Variants in COL23A1 observed in about 807,000 individuals in gnomAD.
The protein encoded by COL23A1 is collagen type XXIII alpha 1 chain.
In COL23A1, 97 loss-of-function variants were observed where a neutral mutation model predicts 99.3. That is an observed-to-expected ratio of 0.98 (90% CI 0.83 to 1.16). The LOEUF (loss-of-function observed/expected upper bound fraction) is 1.16. Ranked by LOEUF, COL23A1 falls within the 50% of genes most tolerant of loss-of-function variation. The probability of loss-of-function intolerance (pLI) is 0.00; values close to 1 mark genes in which losing one functional copy is unlikely to be tolerated. For synonymous variants in COL23A1, 320 were observed against 308.2 expected, an observed-to-expected ratio of 1.04 and a Z score of -0.40; for missense variants, 762 against 757.4, an observed-to-expected ratio of 1.01 and a Z score of -0.07.
intron 13 of COL23A1, 85 bp from the exon 14 acceptor site, chr5:178,257,013 T>C (rs948362707): frequency 6.1e-6 from 8 of 1,311,280 alleles, no homozygotes; most frequent in Non-Finnish European, 7.5e-6. Flanking sequence ...CGGGGTTGCC[T>C]GAAGCCTCGC....
intron 2 of COL23A1, among the ~76,000 whole-genome samples, chr5:178,319,674 C>T (rs999144653): frequency 2.0e-5 from 3 of 152,202 alleles, no homozygotes; most frequent in Non-Finnish European, 2.9e-5. Context: ...CGTGGACCAG[C>T]GCCCTCCTGA....
At chr5:178,523,201 T>TATATATAGAGAGAG (rs1223542330) in intron 2 of COL23A1, among the ~76,000 whole-genome samples, 968 of 77,396 alleles carry the variant, frequency 0.013, 13 homozygotes, top group Non-Finnish European at 0.019. Context: ...TATATATATA[T>TATATATAGAGAGAG]AGAGAGAGAG....
rs185407023 is a variant in COL23A1, at chr5:178,281,171, C to T, written c.441+7153G>A. 5.3e-5 allele frequency among the ~76,000 whole-genome samples: 8 copies of T among 152,142 alleles called. No homozygotes were observed. In the East Asian group the frequency reaches 5.8e-4, roughly 11 times the overall value. On this transcript the variant is annotated intron_variant, in intron 5 of 28. Coordinates refer to ENST00000390654, the MANE Select transcript of COL23A1 (RefSeq NM_173465.4). The surrounding 1 kb of genome is among the most constrained non-coding windows in gnomAD (Gnocchi z 4.0). ...GTGGGGTGGCACTGTAGGGGTCAGA[C>T]GGAAATGAGATGGAGGATGTTGAAA...
At chr5:178,581,086 T>C (rs1205132655) in intron 1 of COL23A1, among the ~76,000 whole-genome samples, 1 of 152,240 alleles carries the variant, frequency 6.6e-6, no homozygotes, top group East Asian at 1.9e-4. Flanking sequence ...AAAGGCTTTC[T>C]TTGTTATCAA....
intron 2 of COL23A1, among the ~76,000 whole-genome samples, chr5:178,472,979 C>A (rs187564896): frequency 6.6e-6 from 1 of 151,938 alleles, no homozygotes; most frequent in African/African-American, 2.4e-5. Flanking sequence ...AAAAAATTAG[C>A]GGATGTGGTC....
Position 178,306,909 on chromosome 5 carries a change from TC to T in COL23A1, c.371del (p.Gly124AspfsTer185). 6.5e-7 allele frequency: 1 copy of T among 1,541,718 alleles called. No homozygotes were observed. The highest frequency in any genetic ancestry group is 8.7e-7 in the Non-Finnish European group (1 of 1,143,926). ...CTCTTCTCCCAGGCTTGCCGCGCCG[TC>T]CAGGGGGCCCTAGACAGGAAAACAA... is the stretch of plus-strand genomic sequence containing the variant. Reference protein sequence around the residue: ...SECVCPPGPPGRRGKPGRRGD... With the variant: ...SECVCPPGPPXRRGKPGRRGD... On this transcript the variant is annotated frameshift_variant, in exon 3 of 29. Coordinates refer to ENST00000390654, the MANE Select transcript of COL23A1 (RefSeq NM_173465.4). LOFTEE classifies it high-confidence loss of function. The surrounding 1 kb of genome is among the most constrained non-coding windows in gnomAD (Gnocchi z 4.1).
chr5:178,455,625 A>G (rs1767739858), intron 2 of COL23A1, among the ~76,000 whole-genome samples: 1 of 152,188 alleles, frequency 6.6e-6, no homozygotes, highest in South Asian at 2.1e-4. Flanking sequence ...CAGGCATGAC[A>G]CCGGCCCTCC....
chr5:178,333,532 A>G (rs1760154494), intron 2 of COL23A1, among the ~76,000 whole-genome samples: 1 of 152,088 alleles, frequency 6.6e-6, no homozygotes, highest in Non-Finnish European at 1.5e-5. Flanking sequence ...GCCTGGCAAC[A>G]TGCCTGTGCG....
At chr5:178,357,234 G>T in intron 2 of COL23A1, among the ~76,000 whole-genome samples, 1 of 152,346 alleles carries the variant, frequency 6.6e-6, no homozygotes, top group Admixed American at 6.5e-5. Context: ...GCTTTCTGAA[G>T]TGCCGGGTAG....
Position 178,340,009 on chromosome 5 carries a change from T to C in COL23A1, c.362-33090A>G, listed in dbSNP as rs1760564429. Among the ~76,000 whole-genome samples the C allele has an allele frequency of 6.6e-6, 1 of 151,842 alleles. No individual in the cohort carries two copies. The highest frequency in any genetic ancestry group is 2.4e-5 in the African/African-American group (1 of 41,304). ...GGTGGTGGGATGGGTGGGTGGCGGG[T>C]GGCTGTTGGGGGATGAAGAGATGAG... On this transcript the variant is annotated intron_variant, in intron 2 of 28. Coordinates refer to ENST00000390654, the MANE Select transcript of COL23A1 (RefSeq NM_173465.4). This position sits in a 1 kb window ranked among gnomAD's most constrained non-coding sequence, Gnocchi z 4.7.
chr5:178,391,708 G>A (rs903284808), intron 2 of COL23A1, among the ~76,000 whole-genome samples: 2 of 152,236 alleles, frequency 1.3e-5, no homozygotes, highest in African/African-American at 4.8e-5. Flanking sequence ...ACTGCCATAC[G>A]ATCTAGTAAT....
rs79341078 is a variant in COL23A1, at chr5:178,384,014, G to A, written c.362-77095C>T. Among the ~76,000 whole-genome samples, 1,602 of 152,270 alleles carry A rather than the reference G, an allele frequency of 0.011. 21 individuals carry two copies. The highest frequency in any genetic ancestry group is 0.036 in the African/African-American group (1,483 of 41,558). ...CAAACGAGGCCACGCTGTGTGACAC[G>A]GGGGCCCAGGACTCCACCAGGCGGC... On this transcript the variant is annotated intron_variant, in intron 2 of 28. Transcript: ENST00000390654. This position sits in a 1 kb window ranked among gnomAD's most constrained non-coding sequence, Gnocchi z 5.5.
At chr5:178,474,664 C>G (rs1756934495) in intron 2 of COL23A1, among the ~76,000 whole-genome samples, 1 of 152,186 alleles carries the variant, frequency 6.6e-6, no homozygotes, top group African/African-American at 2.4e-5. Context: ...TCGATTCACT[C>G]AGTACATTTT....
At chr5:178,418,544 C>A (rs1765431414) in intron 2 of COL23A1, among the ~76,000 whole-genome samples, 1 of 152,270 alleles carries the variant, frequency 6.6e-6, no homozygotes, top group Non-Finnish European at 1.5e-5. Flanking sequence ...CGGCCTGCTG[C>A]CCTCAGGCAG....
intron 2 of COL23A1, among the ~76,000 whole-genome samples, chr5:178,356,620 GA>G (rs5873609): frequency 0.24 from 35,853 of 151,716 alleles, 4,335 homozygotes; most frequent in South Asian, 0.31. Context: ...CGAGACACAG[GA>G]AAAAAAAGGC....
Position 178,255,319 on chromosome 5 carries a change from A to G in COL23A1, c.883-293T>C, listed in dbSNP as rs1194576335. ...AAATGGAAAGCCTGATTTTGATGTG[A>G]CGCTCTTCAGATTTTTCAATGTTGG... On this transcript the variant is annotated intron_variant, in intron 15 of 28. Coordinates refer to ENST00000390654, the MANE Select transcript of COL23A1 (RefSeq NM_173465.4). The surrounding 1 kb of genome is among the most constrained non-coding windows in gnomAD (Gnocchi z 4.2). 2.0e-5 allele frequency among the ~76,000 whole-genome samples: 3 copies of G among 152,050 alleles called. No individual in the cohort carries two copies. Among genetic ancestry groups the G allele is most frequent in the Non-Finnish European group, 4.4e-5 (3 of 68,012 alleles).
intron 2 of COL23A1, among the ~76,000 whole-genome samples, chr5:178,398,328 T>A (rs1282615102): frequency 1.3e-5 from 2 of 152,170 alleles, no homozygotes; most frequent in Non-Finnish European, 2.9e-5. Flanking sequence ...TTCTTTTTTT[T>A]ATTTAAAAAA....
intron 2 of COL23A1, among the ~76,000 whole-genome samples, chr5:178,501,369 G>A (rs768571789): frequency 2.0e-5 from 3 of 152,266 alleles, no homozygotes; most frequent in South Asian, 2.1e-4. Context: ...AATCACCTGA[G>A]GTCAGGAGTT....
At chr5:178,441,800 T>C (rs1173605500) in intron 2 of COL23A1, among the ~76,000 whole-genome samples, 1 of 152,086 alleles carries the variant, frequency 6.6e-6, no homozygotes, top group Admixed American at 6.5e-5. Flanking sequence ...GGGCTAAACA[T>C]TCTGTGCCAT....
Sources: allele counts gnomAD v4.1 joint callset (sites outside exome capture counted in the v4.1 genomes callset), GRCh38; gene constraint gnomAD v4.1.1; non-coding constraint Gnocchi (gnomAD v3.1); transcripts MANE v1.5; gene names NCBI Gene and HGNC (gene_info 2026-07-23, HGNC 2026-07-21).